RHBDL2: variants seen among roughly 807,000 people sequenced by gnomAD.
The protein encoded by RHBDL2 is rhomboid like 2.
In RHBDL2, 26 loss-of-function variants were observed where a neutral mutation model predicts 31.7. That is an observed-to-expected ratio of 0.82 (90% CI 0.60 to 1.14). The LOEUF is 1.14. Among genes scored for constraint, RHBDL2 ranks in the 50% most tolerant of loss-of-function variants. RHBDL2 has a pLI of 0.00. For synonymous variants in RHBDL2, 123 were observed against 127.2 expected (o/e 0.97, Z 0.22); for missense variants, 336 against 364.4 (o/e 0.92, Z 0.63).
At position 38,902,882 on chromosome 1, in the gene RHBDL2, C is replaced by T. The variant is rs534567400; in HGVS notation, c.509-6813G>A. ...CCACAGTTAAACTAGATATTAACAA[C>T]AGAACATCTTTGGAAAAACACACAA... is the stretch of plus-strand genomic sequence containing the variant. On this transcript the variant is annotated intron_variant, in intron 4 of 7. Coordinates refer to ENST00000372990, the MANE Select transcript of RHBDL2 (RefSeq NM_017821.5). Among the ~76,000 whole-genome samples, 4 of 152,228 alleles carry T rather than the reference C, an allele frequency of 2.6e-5. No homozygotes were observed. In the South Asian group the frequency reaches 8.3e-4, roughly 32 times the overall value.
At chr1:38,929,886 A>G (rs1276072216) in intron 1 of RHBDL2, among the ~76,000 whole-genome samples, 2 of 152,230 alleles carry the variant, frequency 1.3e-5, no homozygotes, top group Non-Finnish European at 2.9e-5. Flanking sequence ...TGGCTTTTCA[A>G]TATTACAGGT....
chr1:38,889,268 A>G (rs1024363372), intron 6 of RHBDL2, among the ~76,000 whole-genome samples: 2 of 151,936 alleles, frequency 1.3e-5, no homozygotes, highest in African/African-American at 2.4e-5. Context: ...TAATTTTTGT[A>G]TTTTTAGTAG....
chr1:38,893,959 G>A (rs1008474250), intron 5 of RHBDL2, among the ~76,000 whole-genome samples: 2 of 152,092 alleles, frequency 1.3e-5, no homozygotes, highest in African/African-American at 2.4e-5. Flanking sequence ...ACTGCTGAGC[G>A]AGACATTTCT....
chr1:38,920,634 T>A lies in RHBDL2; in HGVS notation c.-125-1297A>T, dbSNP rs527642613. Among the ~76,000 whole-genome samples the A allele has an allele frequency of 1.9e-4, 28 of 145,640 alleles. No individual in the cohort carries two copies. In the East Asian group the frequency reaches 5.3e-3, roughly 27 times the overall value. On this transcript the variant is annotated intron_variant, in intron 1 of 7. Transcript: ENST00000372990. ...TTTTTTTTTTTTTTTTGAGACAGAGTCTCGCTCTGTCGCCCAGGCTGGAGA... is the reference window on the plus strand; with the variant it reads ...TTTTTTTTTTTTTTTTGAGACAGAGACTCGCTCTGTCGCCCAGGCTGGAGA...
In RHBDL2 at chr1:38,925,925, T is replaced by C. The variant is rs189997961; in HGVS notation, c.-125-6588A>G. ...TCATTCAACTCATATTCATTTATAA[T>C]GGGCCTTTGGGAGTAACTAATAAAT... On this transcript the variant is annotated intron_variant, in intron 1 of 7. Coordinates refer to ENST00000372990, the MANE Select transcript of RHBDL2 (RefSeq NM_017821.5). 4.8e-5 allele frequency: 61 copies of C among 1,259,198 alleles called. No individual in the cohort carries two copies. In the East Asian group the frequency reaches 3.1e-3, roughly 64 times the overall value. 78.0% of individuals were successfully genotyped at this position (1,259,198 alleles called of 1,614,324 possible).
intron 4 of RHBDL2, among the ~76,000 whole-genome samples, chr1:38,907,987 A>G (rs1338184969): frequency 6.6e-6 from 1 of 152,132 alleles, no homozygotes. Flanking sequence ...TAAACTACAT[A>G]TTCAGCTAAG....
chr1:38,916,901 T>A (rs765560351), intron 2 of RHBDL2, among the ~76,000 whole-genome samples: 1 of 148,390 alleles, frequency 6.7e-6, no homozygotes, highest in Non-Finnish European at 1.5e-5. Context: ...GGAAATGTAA[T>A]GTACTATATA....
At chr1:38,912,985 T>TGTG (rs780852288) in intron 3 of RHBDL2, among the ~76,000 whole-genome samples, 1 of 139,814 alleles carries the variant, frequency 7.2e-6, no homozygotes, top group East Asian at 2.1e-4. Context: ...TGTGTGTGTA[T>TGTG]TTTTTTTTTT....
At chr1:38,904,686 T>C (rs1206666156) in intron 4 of RHBDL2, among the ~76,000 whole-genome samples, 1 of 147,566 alleles carries the variant, frequency 6.8e-6, no homozygotes, top group African/African-American at 2.5e-5. Flanking sequence ...AATACATATA[T>C]ATTTATATAT....
chr1:38,911,177 T>C (rs1643136296), intron 4 of RHBDL2, 145 bp downstream of exon 4: 1 of 551,036 alleles, frequency 1.8e-6, no homozygotes, highest in South Asian at 2.8e-5. Flanking sequence ...AATTCAATGA[T>C]CTCTAAGGCT....
chr1:38,904,391 T>C (rs1354751195), intron 4 of RHBDL2, among the ~76,000 whole-genome samples: 2 of 151,834 alleles, frequency 1.3e-5, no homozygotes. Flanking sequence ...GAGAATTGCG[T>C]GAACCCGGAG....
chr1:38,918,099 A>G lies in RHBDL2; in HGVS notation c.246+868T>C, dbSNP rs189242775. On this transcript the variant is annotated intron_variant, in intron 2 of 7. Transcript: ENST00000372990. ...TGCCAGCCTTCCCTGAAGATTTTGG[A>G]CTTGCCAAGTCTCCATAATCATTTG... 1.2e-4 allele frequency among the ~76,000 whole-genome samples: 18 copies of G among 152,236 alleles called. No individual in the cohort carries two copies. The East Asian group carries it at 3.3e-3, about 28-fold the overall frequency.
chr1:38,920,738 C>T (rs1643302116), intron 1 of RHBDL2, among the ~76,000 whole-genome samples: 1 of 150,574 alleles, frequency 6.6e-6, no homozygotes, highest in African/African-American at 2.4e-5. Flanking sequence ...TCCTGAGTAG[C>T]TGGGACTACA....
intron 1 of RHBDL2, among the ~76,000 whole-genome samples, chr1:38,924,209 C>G (rs1056774220): frequency 1.3e-5 from 2 of 152,056 alleles, no homozygotes; most frequent in Non-Finnish European, 2.9e-5. Context: ...CCTGTCAAAG[C>G]ATTGAGATTA....
intron 4 of RHBDL2, among the ~76,000 whole-genome samples, chr1:38,902,295 TC>T (rs1041521150): frequency 6.8e-6 from 1 of 147,314 alleles, no homozygotes; most frequent in African/African-American, 2.5e-5. Flanking sequence ...AGCCTCGACT[TC>T]CTAGGCTCAG....
intron 1 of RHBDL2, among the ~76,000 whole-genome samples, chr1:38,927,943 C>T (rs1022659708): frequency 6.6e-5 from 10 of 151,992 alleles, no homozygotes; most frequent in South Asian, 2.1e-4. Flanking sequence ...GAGTCTCGGG[C>T]GCCTGACTCC....
chr1:38,926,648 C>T (rs1381820722), intron 1 of RHBDL2: 1 of 152,052 alleles, frequency 6.6e-6, no homozygotes, highest in Non-Finnish European at 1.5e-5. Flanking sequence ...ACCAGCCTGA[C>T]CAACATGGTA....
Position 38,888,042 on chromosome 1 carries a change from C to A in RHBDL2, c.671-18G>T. 6.3e-7 allele frequency: 1 copy of A among 1,585,112 alleles called. No individual in the cohort carries two copies. Among genetic ancestry groups the A allele is most frequent in the South Asian group, 1.1e-5 (1 of 89,868 alleles). Reference sequence around the variant, plus strand: ...CAACACAACTAGAAGGAAAAACACCCTGATAAAGGCTCAGAATCTCCACAG... The same window carrying A: ...CAACACAACTAGAAGGAAAAACACCATGATAAAGGCTCAGAATCTCCACAG... On this transcript the variant is annotated intron_variant, in intron 6 of 7. Coordinates refer to ENST00000372990, the MANE Select transcript of RHBDL2 (RefSeq NM_017821.5).
chr1:38,935,950 T>C (rs919693003), intron 1 of RHBDL2, among the ~76,000 whole-genome samples: 1 of 152,160 alleles, frequency 6.6e-6, no homozygotes, highest in African/African-American at 2.4e-5. Flanking sequence ...TCTTGCTTTG[T>C]TGCCCAGGCT....
Sources: gnomAD v4.1 joint callset for allele counts (sites outside exome capture counted in the v4.1 genomes callset) on GRCh38, gnomAD v4.1.1 for gene constraint, MANE v1.5 for transcripts, NCBI Gene and HGNC (gene_info 2026-07-23, HGNC 2026-07-21) for gene names.